Variants in DYRK4 observed in about 807,000 individuals in gnomAD.
DYRK4 encodes dual specificity tyrosine-phosphorylation-regulated kinase 4.
DYRK4 carries 64 observed loss-of-function variants against 68.3 expected under a neutral mutation model. That is an observed-to-expected ratio of 0.94 (90% CI 0.77 to 1.15). The LOEUF (loss-of-function observed/expected upper bound fraction) is 1.15. Among genes scored for constraint, DYRK4 ranks in the 50% most tolerant of loss-of-function variants. DYRK4 has a pLI of 0.00. For missense variants in DYRK4, 740 were observed against 764.7 expected (o/e 0.97, Z 0.38); for synonymous variants, 274 against 289.9 (o/e 0.95, Z 0.56).
chr12:4,579,900 G>T (rs1414040696), intron 2 of DYRK4, among the ~76,000 whole-genome samples: 1 of 152,146 alleles, frequency 6.6e-6, no homozygotes, highest in Non-Finnish European at 1.5e-5. Flanking sequence ...GGTCAGAGGA[G>T]ATCACTGGGT....
At chr12:4,564,599 T>G (rs926134494) in intron 1 of DYRK4, 19 of 152,230 alleles carry the variant, frequency 1.2e-4, no homozygotes, top group Admixed American at 1.1e-3. Flanking sequence ...GCAGTAAGGC[T>G]GGCACCTCTG....
chr12:4,609,722 A>G (rs142253664), intron 12 of DYRK4, among the ~76,000 whole-genome samples: 1 of 152,358 alleles, frequency 6.6e-6, no homozygotes, highest in African/African-American at 2.4e-5. Flanking sequence ...AAAAAGGACA[A>G]TGTAGGATGA....
intron 10 of DYRK4, chr12:4,602,611 T>C (rs1266554963): frequency 7.4e-7 from 1 of 1,343,324 alleles, no homozygotes; most frequent in African/African-American, 1.4e-5. Flanking sequence ...TGCAGAATCT[T>C]CTTTCTTGAT....
chr12:4,610,784 G>A (rs930841144), intron 13 of DYRK4, among the ~76,000 whole-genome samples: 3 of 152,196 alleles, frequency 2.0e-5, no homozygotes, highest in Admixed American at 6.5e-5. Context: ...GGGAAGGTGA[G>A]CTGTAAACCA....
At chr12:4,608,327 A>C (rs1945177635) in intron 12 of DYRK4, among the ~76,000 whole-genome samples, 1 of 152,164 alleles carries the variant, frequency 6.6e-6, no homozygotes. Context: ...CCCTCTGACC[A>C]CACAATCCCA....
At chr12:4,596,427 A>T in intron 7 of DYRK4, 142 bp downstream of exon 7, 1 of 1,510,618 alleles carries the variant, frequency 6.6e-7, no homozygotes, top group Non-Finnish European at 8.8e-7. Context: ...GTCTGATTCC[A>T]TGAGGGGGCA....
rs1335890334 is a variant in DYRK4 at position 4,593,175 on chromosome 12, G to A, written c.627+10G>A. ...TGGCTTCTATCTGAAGGTGATGGGG[G>A]TGGGGGCCATGGGAACCTGCAGGGG... is the stretch of plus-strand genomic sequence containing the variant. On this transcript the variant is annotated intron_variant, in intron 6 of 14. Transcript: ENST00000543431. 12 of 1,612,528 alleles carry A rather than the reference G, an allele frequency of 7.4e-6. No individual in the cohort carries two copies. Among genetic ancestry groups the A allele is most frequent in the Non-Finnish European group, 1.0e-5 (12 of 1,179,542 alleles).
chr12:4,577,255 T>C (rs938080068), intron 2 of DYRK4, among the ~76,000 whole-genome samples: 1 of 152,194 alleles, frequency 6.6e-6, no homozygotes, highest in African/African-American at 2.4e-5. Context: ...TGTTTGTTTT[T>C]AATAAGTCTT....
intron 12 of DYRK4, among the ~76,000 whole-genome samples, chr12:4,609,701 T>C (rs1945195536): frequency 6.6e-6 from 1 of 152,200 alleles, no homozygotes; most frequent in African/African-American, 2.4e-5. Context: ...GATTCTTCTT[T>C]GGTCATTGGT....
Position 4,588,117 on chromosome 12 carries a change from T to G in DYRK4, c.133-820T>G, listed in dbSNP as rs1193437635. On this transcript the variant is annotated intron_variant, in intron 2 of 14. Coordinates refer to ENST00000543431, the MANE Select transcript of DYRK4 (RefSeq NM_001394779.1). ...ATCTGTTGCTCAGGCTGGAGTGCAG[T>G]GGCACGATCATAGCTCACTGTAACC... is the stretch of plus-strand genomic sequence containing the variant. 2.0e-5 allele frequency among the ~76,000 whole-genome samples: 3 copies of G among 152,208 alleles called. No homozygotes were observed. The East Asian group carries it at 5.8e-4, about 29-fold the overall frequency.
intron 6 of DYRK4, among the ~76,000 whole-genome samples, chr12:4,595,309 T>C (rs1945004904): frequency 6.6e-6 from 1 of 152,120 alleles, no homozygotes; most frequent in Non-Finnish European, 1.5e-5. Flanking sequence ...CCTTCACCTC[T>C]CCCAAACTCA....
At chr12:4,599,574 G>A in intron 9 of DYRK4, 133 bp from the exon 10 acceptor site, 1 of 646,228 alleles carries the variant, frequency 1.5e-6, no homozygotes, top group East Asian at 2.7e-5. Flanking sequence ...TGGGATTTTG[G>A]AGAGGATGTG....
chr12:4,598,941 C>A, intron 8 of DYRK4, 87 bp from the exon 9 acceptor site: 1 of 1,485,176 alleles, frequency 6.7e-7, no homozygotes, highest in Non-Finnish European at 9.3e-7. Flanking sequence ...AGACGGAAAC[C>A]AGGTGATACA....
At position 4,566,495 on chromosome 12, in the gene DYRK4, G is replaced by T. The variant is rs61909599; in HGVS notation, c.39-1460G>T. 3.3e-5 allele frequency among the ~76,000 whole-genome samples: 5 copies of T among 152,186 alleles called. 1 individual carries two copies. The highest frequency in any genetic ancestry group is 4.1e-4 in the South Asian group (2 of 4,834). On this transcript the variant is annotated intron_variant, in intron 1 of 14. Coordinates refer to ENST00000543431, the MANE Select transcript of DYRK4 (RefSeq NM_001394779.1). The stretch of plus-strand genomic sequence containing the variant: ...GGTTCTACCCTGCTCAAGCGTGAAG[G>T]CTTCCTCAGCTCCTCCAGCTGACTT...
At chr12:4,562,365 C>A in intron 1 of DYRK4, 82 bp downstream of exon 1, 1 of 1,464,398 alleles carries the variant, frequency 6.8e-7, no homozygotes, top group South Asian at 1.3e-5. Context: ...TCGACGGGGT[C>A]GTGGGGGGAG....
chr12:4,581,515 G>A (rs541685255), intron 2 of DYRK4, among the ~76,000 whole-genome samples: 7 of 152,164 alleles, frequency 4.6e-5, no homozygotes, highest in African/African-American at 1.2e-4. Context: ...GTGTGAATTC[G>A]CTGATTAGAG....
chr12:4,574,387 A>G (rs562172490), intron 2 of DYRK4, among the ~76,000 whole-genome samples: 86 of 152,186 alleles, frequency 5.7e-4, no homozygotes, highest in Non-Finnish European at 1.1e-3. Flanking sequence ...CTTCTAAACT[A>G]TGTATTGGCT....
chr12:4,607,334 G>T lies in DYRK4; in HGVS notation c.1307G>T (p.Gly436Val). The T allele has an allele frequency of 6.2e-7, 1 of 1,614,184 alleles. No homozygotes were observed. Among genetic ancestry groups the T allele is most frequent in the Non-Finnish European group, 8.5e-7 (1 of 1,180,026 alleles). Residue 436 changes from glycine (G) to valine (V), a missense_variant, in exon 12 of 15, where the codon GGT becomes GTT. Gly to Val is a moderately radical substitution (Grantham distance 109). Coordinates refer to ENST00000543431, the MANE Select transcript of DYRK4 (RefSeq NM_001394779.1). ...EQLACIMEVL[G>V]LPPAGFIQTA... ...TGAATTATCCTTATTAAGGTGCTGG[G>T]TCTGCCGCCAGCCGGCTTCATTCAG...
intron 2 of DYRK4, among the ~76,000 whole-genome samples, chr12:4,575,298 A>ATTGTGTGTGTGTGTGTGT (rs562026104): frequency 0.017 from 2,513 of 144,152 alleles, 49 homozygotes; most frequent in African/African-American, 0.038. Flanking sequence ...ACAATAACTT[A>ATTGTGTGTGTGTGTGTGT]CTGTGTGTGT....
Sources: gnomAD v4.1 joint callset for allele counts (sites outside exome capture counted in the v4.1 genomes callset) on GRCh38, gnomAD v4.1.1 for gene constraint, MANE v1.5 for transcripts, NCBI Gene and HGNC (gene_info 2026-07-23, HGNC 2026-07-21) for gene names.